Variants in TENM4 observed in about 807,000 individuals in gnomAD.
TENM4 encodes teneurin-4.
Under a neutral mutation model 243.3 loss-of-function variants are expected in TENM4, and 82 were observed. The ratio of observed to expected loss-of-function variants is 0.34; its 90% CI spans 0.28 to 0.40. The LOEUF (loss-of-function observed/expected upper bound fraction) is 0.40. Ranked by LOEUF, TENM4 falls within the 10% of genes least tolerant of loss-of-function variation. TENM4 has a pLI of 1.00. For missense variants in TENM4, 3,138 were observed against 3,673.3 expected (o/e 0.85, Z 3.77); for synonymous variants, 1,412 against 1,456.3 (o/e 0.97, Z 0.69).
At chr11:79,346,033 A>G (rs1052942840) in intron 1 of TENM4, among the ~76,000 whole-genome samples, 9 of 152,212 alleles carry the variant, frequency 5.9e-5, no homozygotes, top group African/African-American at 1.9e-4. Flanking sequence ...AGAAAAATAG[A>G]CTATCCCTTC....
intron 1 of TENM4, among the ~76,000 whole-genome samples, chr11:79,367,444 C>T (rs995277572): frequency 2.6e-5 from 4 of 152,142 alleles, no homozygotes; most frequent in Non-Finnish European, 5.9e-5. Context: ...CCAGGAGAGT[C>T]TATGAAAATG....
At chr11:78,894,190 T>C (rs1855736280) in intron 7 of TENM4, among the ~76,000 whole-genome samples, 1 of 152,170 alleles carries the variant, frequency 6.6e-6, no homozygotes, top group Admixed American at 6.5e-5. Flanking sequence ...GAGGGAACTG[T>C]CCACTCTCTC....
intron 30 of TENM4, among the ~76,000 whole-genome samples, chr11:78,675,291 G>A (rs1042179178): frequency 3.9e-5 from 6 of 152,182 alleles, no homozygotes; most frequent in Non-Finnish European, 8.8e-5. Context: ...GAAGGGCAGG[G>A]GACTTAAGAG....
chr11:79,079,911 C>T (rs923435610), intron 4 of TENM4, among the ~76,000 whole-genome samples: 1 of 151,974 alleles, frequency 6.6e-6, no homozygotes, highest in East Asian at 1.9e-4. Context: ...CAAGCCCCAT[C>T]AGGTGCCCAA....
chr11:78,676,299 C>T lies in TENM4; in HGVS notation c.5349G>A (p.Glu1783=). ...TGACGGTGCCAGCCAGCAAGTGGGG[C>T]TCAGTCTGCAGCGCCACCTCCATGC... The part of the protein sequence containing the change: ...ANGMEVALQT[E]PHLLAGTVNP... Residue 1783 remains glutamate (E), a synonymous_variant, in exon 30 of 34, where the codon GAG becomes GAA. Transcript: ENST00000278550. 6.2e-7 allele frequency: 1 copy of T among 1,612,790 alleles called. No homozygotes were observed. The highest frequency in any genetic ancestry group is 8.5e-7 in the Non-Finnish European group (1 of 1,178,962).
intron 1 of TENM4, among the ~76,000 whole-genome samples, chr11:79,384,603 C>G (rs1858070878): frequency 6.6e-6 from 1 of 152,130 alleles, no homozygotes; most frequent in Non-Finnish European, 1.5e-5. Flanking sequence ...CACAGTGAGG[C>G]ATTAAAATGG....
intron 3 of TENM4, among the ~76,000 whole-genome samples, chr11:79,173,345 T>C (rs993799158): frequency 3.9e-5 from 6 of 152,124 alleles, no homozygotes; most frequent in African/African-American, 1.4e-4. Flanking sequence ...ATGAGTTACA[T>C]GAATGGTAAA....
chr11:79,351,638 G>A (rs550492), intron 1 of TENM4, among the ~76,000 whole-genome samples: 27,480 of 152,106 alleles, frequency 0.18, 3,152 homozygotes, highest in East Asian at 0.3. Context: ...CCCAGGAGGC[G>A]AAGGTTGCAG....
chr11:79,195,388 C>T (rs959117766), intron 3 of TENM4, among the ~76,000 whole-genome samples: 14 of 152,092 alleles, frequency 9.2e-5, no homozygotes, highest in African/African-American at 3.4e-4. Context: ...CGTGCACCTG[C>T]AAAAGCCGCA....
intron 9 of TENM4, among the ~76,000 whole-genome samples, chr11:78,876,860 A>G (rs2136255991): frequency 6.6e-6 from 1 of 152,324 alleles, no homozygotes; most frequent in South Asian, 2.1e-4. Flanking sequence ...GCATCCAGGG[A>G]TGGCTCTTGG....
intron 1 of TENM4, among the ~76,000 whole-genome samples, chr11:79,333,247 T>TATCCATCC (rs34059534): frequency 3.3e-5 from 5 of 151,420 alleles, no homozygotes; most frequent in African/African-American, 7.3e-5. Context: ...TCCATCCATC[T>TATCCATCC]ATCCATCCAT....
intron 12 of TENM4, among the ~76,000 whole-genome samples, chr11:78,815,029 A>G (rs1186665411): frequency 1.3e-5 from 2 of 151,816 alleles, no homozygotes; most frequent in Non-Finnish European, 2.9e-5. Context: ...TCTCCTTAAA[A>G]CCCTTCAAGG....
intron 3 of TENM4, among the ~76,000 whole-genome samples, chr11:79,212,317 C>T (rs756357637): frequency 4.6e-5 from 7 of 152,110 alleles, no homozygotes; most frequent in Non-Finnish European, 7.3e-5. Flanking sequence ...TCTTTAGCAC[C>T]CATTTTCTTG....
chr11:78,838,387 G>A (rs1156429433), intron 12 of TENM4, among the ~76,000 whole-genome samples: 1 of 150,594 alleles, frequency 6.6e-6, no homozygotes, highest in Non-Finnish European at 1.5e-5. Context: ...AGTTTTATAA[G>A]ACATGTGGAA....
chr11:78,661,590 AT>A lies in TENM4; in HGVS notation c.7409del (p.Asp2470ValfsTer16). ...NSQDIKCFMT[D>X]VNSWLLTFGF... Reference sequence around the variant, plus strand: ...CAAAGGTGAGCAGCCAGCTGTTAACATCTGGATGGGAGGGAAGCAGAAACAT... The same window carrying A: ...CAAAGGTGAGCAGCCAGCTGTTAACACTGGATGGGAGGGAAGCAGAAACAT... On this transcript the variant is annotated frameshift_variant and splice_region_variant, in exon 33 of 34. Transcript: ENST00000278550. LOFTEE classifies it high-confidence loss of function. 6.2e-7 allele frequency: 1 copy of A among 1,613,072 alleles called. No homozygotes were observed. The highest frequency in any genetic ancestry group is 8.5e-7 in the Non-Finnish European group (1 of 1,179,604).
intron 1 of TENM4, among the ~76,000 whole-genome samples, chr11:79,386,972 G>T (rs1276847299): frequency 6.6e-6 from 1 of 152,088 alleles, no homozygotes; most frequent in Non-Finnish European, 1.5e-5. Context: ...AGCACCATTT[G>T]TAACAGCCCC....
At chr11:78,778,427 C>A (rs919645312) in intron 17 of TENM4, among the ~76,000 whole-genome samples, 175 bp downstream of exon 17, 1 of 152,094 alleles carries the variant, frequency 6.6e-6, no homozygotes, top group African/African-American at 2.4e-5. Flanking sequence ...ACCTTGTGAC[C>A]GAAAACCCAT....
chr11:79,245,422 C>A (rs1483583717), intron 2 of TENM4, among the ~76,000 whole-genome samples: 4 of 152,136 alleles, frequency 2.6e-5, no homozygotes, highest in African/African-American at 7.2e-5. Flanking sequence ...TGGCTGGGTG[C>A]CCTCCCTAGA....
chr11:79,012,208 C>A (rs1858664342), intron 6 of TENM4, among the ~76,000 whole-genome samples: 2 of 152,190 alleles, frequency 1.3e-5, no homozygotes, highest in Non-Finnish European at 2.9e-5. Flanking sequence ...GAAAAGTCAC[C>A]ATGAGAGTGG....
Sources: allele counts gnomAD v4.1 joint callset (sites outside exome capture counted in the v4.1 genomes callset), GRCh38; gene constraint gnomAD v4.1.1; transcripts MANE v1.5; gene names NCBI Gene and HGNC (gene_info 2026-07-23, HGNC 2026-07-21).